HERC6: variants seen among roughly 807,000 people sequenced by gnomAD.
HERC6 encodes the protein probable E3 ubiquitin-protein ligase HERC6.
A neutral mutation model predicts 114.5 loss-of-function variants in HERC6; 101 were observed. The observed-to-expected ratio is 0.88, with a 90% CI of 0.75 to 1.04. The LOEUF (loss-of-function observed/expected upper bound fraction) is 1.04. HERC6 is among the 50% of genes least tolerant of loss of function. The probability of loss-of-function intolerance (pLI) is 0.00; values close to 1 mark genes in which losing one functional copy is unlikely to be tolerated. For synonymous variants in HERC6, 408 were observed against 436.2 expected, an observed-to-expected ratio of 0.94 and a Z score of 0.81; for missense variants, 1,133 against 1,230.9, an observed-to-expected ratio of 0.92 and a Z score of 1.19.
At chr4:88,408,641 A>G (rs1436419600) in intron 11 of HERC6, 24 bp downstream of exon 11, 11 of 1,391,204 alleles carry the variant, frequency 7.9e-6, no homozygotes, top group Admixed American at 2.0e-5. Flanking sequence ...CTTACTTTAG[A>G]TATAGAACAA....
intron 8 of HERC6, among the ~76,000 whole-genome samples, chr4:88,402,917 A>G (rs1337180726): frequency 1.3e-5 from 2 of 152,220 alleles, no homozygotes; most frequent in Non-Finnish European, 2.9e-5. Flanking sequence ...ACTCAGATCA[A>G]GAAGCTGAAG....
Position 88,383,287 on chromosome 4 carries a change from C to G in HERC6, c.266C>G (p.Ala89Gly), listed in dbSNP as rs200807296. ...AGCTGCGGGAAGGAGCACTCCCTGG[C>G]TGTGTGCCACAAAGGAAGGGTCTTC... ...LVSCGKEHSL[A>G]VCHKGRVFAW... The change falls in exon 2 of 23, where the codon GCT (alanine) becomes GGT (glycine). Residue 89 changes from alanine (A) to glycine (G), a missense_variant. Ala to Gly is a moderately conservative substitution (Grantham distance 60). Coordinates refer to ENST00000264346, the MANE Select transcript of HERC6 (RefSeq NM_017912.4). 2 of 1,600,470 alleles carry G rather than the reference C, an allele frequency of 1.2e-6. No homozygotes were observed. The highest frequency in any genetic ancestry group is 1.7e-5 in the Admixed American group (1 of 57,532).
chr4:88,430,429 G>A lies in HERC6; in HGVS notation c.2107-733G>A, dbSNP rs902599425. On this transcript the variant is annotated intron_variant, in intron 16 of 22. Transcript: ENST00000264346. ...GCCCAAAAATACAAAAACTAGCTGG[G>A]TGCGGTGGTGGGTGCCTGTAATCTC... is the stretch of plus-strand genomic sequence containing the variant. Among the ~76,000 whole-genome samples the A allele has an allele frequency of 2.6e-5, 4 of 152,064 alleles. No individual in the cohort carries two copies. In the East Asian group the frequency reaches 7.7e-4, roughly 29 times the overall value.
chr4:88,425,113 A>C (rs1467286559), intron 15 of HERC6, among the ~76,000 whole-genome samples: 1 of 152,218 alleles, frequency 6.6e-6, no homozygotes, highest in Non-Finnish European at 1.5e-5. Context: ...TAGGTAAAAA[A>C]GAGCTTTTCC....
chr4:88,419,757 C>T (rs1000718427), intron 13 of HERC6, among the ~76,000 whole-genome samples: 1 of 152,086 alleles, frequency 6.6e-6, no homozygotes, highest in Non-Finnish European at 1.5e-5. Context: ...GACCATTACA[C>T]TGTAATTTAC....
At chr4:88,395,793 G>A (rs1025810) in intron 5 of HERC6, among the ~76,000 whole-genome samples, 4 of 151,986 alleles carry the variant, frequency 2.6e-5, no homozygotes, top group African/African-American at 9.7e-5. Context: ...CAAAGTGCTG[G>A]TATTACAGGT....
At chr4:88,433,154 T>C (rs1738412913) in intron 17 of HERC6, among the ~76,000 whole-genome samples, 1 of 152,192 alleles carries the variant, frequency 6.6e-6, no homozygotes, top group Non-Finnish European at 1.5e-5. Context: ...ATTTAATCTG[T>C]GTATGAAATT....
intron 8 of HERC6, among the ~76,000 whole-genome samples, chr4:88,403,307 A>C (rs1353770152): frequency 1.3e-5 from 2 of 152,284 alleles, no homozygotes; most frequent in East Asian, 3.9e-4. Context: ...AGCTCACCAG[A>C]ATCACCCACC....
At chr4:88,438,430 G>C (rs968417660) in intron 20 of HERC6, among the ~76,000 whole-genome samples, 1 of 152,120 alleles carries the variant, frequency 6.6e-6, no homozygotes, top group Non-Finnish European at 1.5e-5. Flanking sequence ...TTTTAATAGA[G>C]ATGGAGTCTT....
At chr4:88,411,779 G>C (rs1736118740) in intron 11 of HERC6, among the ~76,000 whole-genome samples, 1 of 152,206 alleles carries the variant, frequency 6.6e-6, no homozygotes, top group African/African-American at 2.4e-5. Context: ...AGCATCTCTA[G>C]GCCCTGGGGC....
chr4:88,391,812 C>T (rs973220733), intron 4 of HERC6, among the ~76,000 whole-genome samples: 1 of 152,204 alleles, frequency 6.6e-6, no homozygotes, highest in African/African-American at 2.4e-5. Flanking sequence ...TATTCAATTC[C>T]TTACAGTCAG....
chr4:88,409,559 G>A (rs1360723101), intron 11 of HERC6, among the ~76,000 whole-genome samples: 4 of 152,132 alleles, frequency 2.6e-5, no homozygotes, highest in South Asian at 2.1e-4. Context: ...AGCAATGCTC[G>A]AGAGGTGGAT....
At chr4:88,441,157 C>T (rs1396615339) in intron 22 of HERC6, among the ~76,000 whole-genome samples, 2 of 152,024 alleles carry the variant, frequency 1.3e-5, no homozygotes, top group East Asian at 3.9e-4. Flanking sequence ...ATCTCATGTT[C>T]CTATCTTCAT....
chr4:88,392,859 T>C (rs1734991989), intron 4 of HERC6, among the ~76,000 whole-genome samples: 1 of 152,236 alleles, frequency 6.6e-6, no homozygotes, highest in South Asian at 2.1e-4. Context: ...CTGCCTGCAA[T>C]AATTCCTTGT....
chr4:88,431,936 A>C (rs906849017), intron 17 of HERC6, among the ~76,000 whole-genome samples: 1 of 152,200 alleles, frequency 6.6e-6, no homozygotes, highest in African/African-American at 2.4e-5. Flanking sequence ...TTTCTGTCCT[A>C]ATTTAAAACA....
chr4:88,442,611 G>T lies in HERC6; in HGVS notation c.*151G>T. On this transcript the variant is annotated 3_prime_UTR_variant, in exon 23 of 23. Coordinates refer to ENST00000264346, the MANE Select transcript of HERC6 (RefSeq NM_017912.4). Reference sequence around the variant, plus strand: ...GGGGAGATGATGATGATGGTCAAAGGGTGCAAAATCTCACACAAGACTGAG... The same window carrying T: ...GGGGAGATGATGATGATGGTCAAAGTGTGCAAAATCTCACACAAGACTGAG... 1 of 678,076 alleles carries T rather than the reference G, an allele frequency of 1.5e-6. No individual in the cohort carries two copies. 42.0% of individuals were successfully genotyped at this position (678,076 alleles called of 1,614,324 possible).
intron 12 of HERC6, among the ~76,000 whole-genome samples, chr4:88,413,715 G>A (rs76171310): frequency 0.018 from 2,714 of 152,136 alleles, 85 homozygotes; most frequent in African/African-American, 0.062. Flanking sequence ...AGCTTTTAGC[G>A]TATATTGAAA....
chr4:88,411,815 G>C (rs1736121496), intron 11 of HERC6, among the ~76,000 whole-genome samples: 1 of 152,122 alleles, frequency 6.6e-6, no homozygotes, highest in East Asian at 1.9e-4. Flanking sequence ...TCAATCTTTT[G>C]GGTTGGCTAG....
intron 11 of HERC6, 58 bp from the exon 12 acceptor site, chr4:88,413,019 A>T (rs969743366): frequency 4.4e-5 from 56 of 1,274,868 alleles, no homozygotes; most frequent in African/African-American, 7.6e-5. Context: ...CTTGCTTCTC[A>T]CAATCCTCTG....
Sources: gnomAD v4.1 joint callset for allele counts (sites outside exome capture counted in the v4.1 genomes callset) on GRCh38, gnomAD v4.1.1 for gene constraint, MANE v1.5 for transcripts, NCBI Gene and HGNC (gene_info 2026-07-23, HGNC 2026-07-21) for gene names.